Variants in WDTC1 observed in about 807,000 individuals in gnomAD.
WDTC1 encodes WD and tetratricopeptide repeats protein 1.
A neutral mutation model predicts 76.0 loss-of-function variants in WDTC1; 12 were observed. The ratio of observed to expected loss-of-function variants is 0.16; its 90% CI spans 0.10 to 0.26. WDTC1 has a LOEUF of 0.26. Among genes scored for constraint, WDTC1 ranks in the 10% least tolerant of loss-of-function variants. WDTC1 has a pLI of 1.00. For missense variants in WDTC1, 511 were observed against 908.8 expected (o/e 0.56, Z 5.63); for synonymous variants, 326 against 350.8 (o/e 0.93, Z 0.79).
At chr1:27,288,338 T>C (rs1367334469) in intron 6 of WDTC1, among the ~76,000 whole-genome samples, 1 of 151,758 alleles carries the variant, frequency 6.6e-6, no homozygotes, top group Non-Finnish European at 1.5e-5. Flanking sequence ...TTTTATTAAT[T>C]AATTAATTTT....
At chr1:27,282,830 A>G (rs1371139795) in intron 4 of WDTC1, among the ~76,000 whole-genome samples, 2 of 150,542 alleles carry the variant, frequency 1.3e-5, no homozygotes, top group African/African-American at 4.9e-5. Flanking sequence ...TAATAAGCCA[A>G]TGTGTTTAAG....
intron 3 of WDTC1, among the ~76,000 whole-genome samples, chr1:27,278,353 A>G (rs1314295202): frequency 1.3e-5 from 2 of 152,196 alleles, no homozygotes; most frequent in African/African-American, 4.8e-5. Flanking sequence ...TCTGCTTTAG[A>G]TGATGGAGTA....
At position 27,288,397 on chromosome 1, in the gene WDTC1, G is replaced by A. The variant is rs2013407649; in HGVS notation, c.479+536G>A. 2.0e-5 allele frequency among the ~76,000 whole-genome samples: 3 copies of A among 151,392 alleles called. No homozygotes were observed. In the South Asian group the frequency reaches 6.3e-4, roughly 32 times the overall value. On this transcript the variant is annotated intron_variant, in intron 6 of 15. Transcript: ENST00000319394. ...TGATCATTCTTGGGTGTTTCTCGCA[G>A]AGGGGGATTTGGCAGGGTCATATGA...
chr1:27,260,203 C>G (rs1029424484), intron 1 of WDTC1, among the ~76,000 whole-genome samples: 1 of 152,122 alleles, frequency 6.6e-6, no homozygotes, highest in East Asian at 1.9e-4. Flanking sequence ...CTCCCAGGTT[C>G]ACGCCATTCT....
intron 2 of WDTC1, 127 bp from the exon 3 acceptor site, chr1:27,263,025 T>C (rs1440673830): frequency 3.5e-6 from 3 of 855,890 alleles, no homozygotes; most frequent in African/African-American, 1.7e-5. Flanking sequence ...CAAAGTCCTG[T>C]AGGCCAGTTC....
Position 27,303,866 on chromosome 1 carries a change from A to G in WDTC1, c.1643+71A>G. On this transcript the variant is annotated intron_variant, in intron 14 of 15. Transcript: ENST00000319394. The surrounding 1 kb of genome is among the most constrained non-coding windows in gnomAD (Gnocchi z 4.8). ...GGTTGAGTGGGGAGTGTTGGGGCAT[A>G]ATGGTTTCAGAGAAGAATCTCAAAT... The G allele has an allele frequency of 6.3e-7, 1 of 1,578,646 alleles. No homozygotes were observed. The highest frequency in any genetic ancestry group is 8.6e-7 in the Non-Finnish European group (1 of 1,160,392).
chr1:27,284,452 G>A (rs1450197502), intron 5 of WDTC1, among the ~76,000 whole-genome samples: 1 of 152,180 alleles, frequency 6.6e-6, no homozygotes, highest in East Asian at 1.9e-4. Context: ...TGAACAAGAT[G>A]ATAGCTCCAA....
At chr1:27,244,318 CTCTT>C (rs141872456) in intron 1 of WDTC1, among the ~76,000 whole-genome samples, 5,292 of 152,018 alleles carry the variant, frequency 0.035, 132 homozygotes, top group Middle Eastern at 0.051. Context: ...TTTTATTATG[CTCTT>C]TCTTTCTTTT....
In WDTC1 at chr1:27,296,419, G is replaced by A. The variant is rs2013686272; in HGVS notation, c.949+18G>A. Reference sequence around the variant, plus strand: ...CTCGGGGGGTAAGTTCTCCCTTAGGGTATCTCTACTGCGGCGGTGTAGGGG... The same window carrying A: ...CTCGGGGGGTAAGTTCTCCCTTAGGATATCTCTACTGCGGCGGTGTAGGGG... On this transcript the variant is annotated intron_variant, in intron 10 of 15. Coordinates refer to ENST00000319394, the MANE Select transcript of WDTC1 (RefSeq NM_001276252.2). The A allele has an allele frequency of 1.9e-6, 3 of 1,613,700 alleles. No homozygotes were observed. Among genetic ancestry groups the A allele is most frequent in the East Asian group, 2.2e-5 (1 of 44,870 alleles).
intron 3 of WDTC1, among the ~76,000 whole-genome samples, chr1:27,272,781 T>C (rs1324177863): frequency 2.6e-5 from 4 of 152,104 alleles, no homozygotes; most frequent in Non-Finnish European, 5.9e-5. Context: ...TGGTTACACA[T>C]GTCTGTACTT....
In WDTC1 at chr1:27,292,257, G is replaced by A; in HGVS notation, c.522G>A (p.Leu174=). Residue 174 remains leucine (L), a synonymous_variant, in exon 7 of 16, where the codon CTG becomes CTA. Transcript: ENST00000319394. ...AGAACAGCAAACACTCGGAGGTGCT[G>A]ATTGACCTGACAGAGTACTGTGGCC... is the stretch of plus-strand genomic sequence containing the variant. ...LRENSKHSEV[L]IDLTEYCGQL... is the part of the protein sequence containing the mutation. The A allele has an allele frequency of 6.2e-7, 1 of 1,611,352 alleles. No individual in the cohort carries two copies. Among genetic ancestry groups the A allele is most frequent in the Non-Finnish European group, 8.5e-7 (1 of 1,178,728 alleles).
chr1:27,300,413 T>A (rs2013801767), intron 12 of WDTC1, among the ~76,000 whole-genome samples: 1 of 151,716 alleles, frequency 6.6e-6, no homozygotes, highest in Admixed American at 6.6e-5. Flanking sequence ...GGTCTGTGGG[T>A]GCTGGGGGAG....
rs2013938860 is a variant in WDTC1, at chr1:27,305,692, C to G, written c.1837-494C>G. On this transcript the variant is annotated intron_variant, in intron 15 of 15. Transcript: ENST00000319394. The surrounding 1 kb of genome is among the most constrained non-coding windows in gnomAD (Gnocchi z 4.6). Reference sequence around the variant, plus strand: ...CCCCTTCCCCTCTGCCCTACTGCTTCCCTCTTCCCAGCTGGCAAAACAAAA... The same window carrying G: ...CCCCTTCCCCTCTGCCCTACTGCTTGCCTCTTCCCAGCTGGCAAAACAAAA... 6.6e-6 allele frequency among the ~76,000 whole-genome samples: 1 copy of G among 152,142 alleles called. No individual in the cohort carries two copies. The highest frequency in any genetic ancestry group is 1.9e-4 in the East Asian group (1 of 5,182).
rs1405314904 is a variant in WDTC1, at chr1:27,297,927, T to C, written c.1059-11T>C. Reference sequence around the variant, plus strand: ...TTTGACTGTTCTGACTTGGCTCTATTTCCCCTGCAGCCCCCAAGTAGAGCT... The same window carrying C: ...TTTGACTGTTCTGACTTGGCTCTATCTCCCCTGCAGCCCCCAAGTAGAGCT... On this transcript the variant is annotated splice_polypyrimidine_tract_variant and intron_variant, in intron 11 of 15. Transcript: ENST00000319394. 1.2e-6 allele frequency: 2 copies of C among 1,603,848 alleles called. No individual in the cohort carries two copies. The highest frequency in any genetic ancestry group is 1.3e-5 in the African/African-American group (1 of 74,692).
chr1:27,304,068 C>T, intron 14 of WDTC1: 2 of 388,560 alleles, frequency 5.1e-6, no homozygotes, highest in Non-Finnish European at 9.2e-6. Flanking sequence ...TCATCCCCCA[C>T]CTCCTTCTCC....
intron 1 of WDTC1, among the ~76,000 whole-genome samples, chr1:27,244,773 A>G (rs993380782): frequency 2.0e-5 from 3 of 152,208 alleles, no homozygotes; most frequent in Non-Finnish European, 2.9e-5. Flanking sequence ...GGAAACTTGC[A>G]TACATCTTTG....
At chr1:27,289,036 C>T (rs1328476482) in intron 6 of WDTC1, among the ~76,000 whole-genome samples, 11 of 147,300 alleles carry the variant, frequency 7.5e-5, no homozygotes, top group Admixed American at 6.7e-4. Context: ...GGGGGGCTGA[C>T]CCCCCCACCT....
At position 27,294,618 on chromosome 1, in the gene WDTC1, G is replaced by A; in HGVS notation, c.862G>A (p.Gly288Arg). Residue 288 changes from glycine to arginine, a missense_variant, in exon 9 of 16, where the codon GGG becomes AGG. By Grantham distance (125) the Gly-to-Arg change is moderately radical. Coordinates refer to ENST00000319394, the MANE Select transcript of WDTC1 (RefSeq NM_001276252.2). The stretch of plus-strand genomic sequence containing the variant: ...TGGCACAGAGCTACTAGTCAACATG[G>A]GGGGGGAACAGGTATGTACAGCATA... ...PNGTELLVNM[G>R]GEQVYLFDLT... The A allele has an allele frequency of 1.9e-6, 3 of 1,613,896 alleles. No homozygotes were observed. The highest frequency in any genetic ancestry group is 2.5e-6 in the Non-Finnish European group (3 of 1,179,854).
upstream of WDTC1, chr1:27,234,625 C>G (rs561709267): frequency 5.1e-6 from 2 of 393,818 alleles, no homozygotes; most frequent in Non-Finnish European, 9.0e-6. Flanking sequence ...GGCGCAGGCG[C>G]GTTGCTGGGC....
Sources: allele counts gnomAD v4.1 joint callset (sites outside exome capture counted in the v4.1 genomes callset), GRCh38; gene constraint gnomAD v4.1.1; non-coding constraint Gnocchi (gnomAD v3.1); transcripts MANE v1.5; gene names NCBI Gene and HGNC (gene_info 2026-07-23, HGNC 2026-07-21).